BRAF: variants seen among roughly 807,000 people sequenced by gnomAD.
The protein encoded by BRAF is serine/threonine-protein kinase B-raf.
Under a neutral mutation model 104.6 loss-of-function variants are expected in BRAF, and 16 were observed. The ratio of observed to expected loss-of-function variants is 0.15; its 90% CI spans 0.10 to 0.23. BRAF has a LOEUF of 0.23. Ranked by LOEUF, BRAF falls within the 10% of genes least tolerant of loss-of-function variation. BRAF has a pLI of 1.00. For synonymous variants in BRAF, 310 were observed against 341.6 expected (o/e 0.91, Z 1.02); for missense variants, 541 against 937.3 (o/e 0.58, Z 5.52).
At chr7:140,896,572 T>C (rs888764054) in intron 1 of BRAF, among the ~76,000 whole-genome samples, 2 of 150,382 alleles carry the variant, frequency 1.3e-5, no homozygotes, top group East Asian at 2.0e-4. Context: ...CTACTAAAAA[T>C]AGAAACACAT....
intron 19 of BRAF, among the ~76,000 whole-genome samples, chr7:140,727,690 G>A (rs902127234): frequency 6.6e-6 from 1 of 151,608 alleles, no homozygotes; most frequent in African/African-American, 2.4e-5. Flanking sequence ...GTGCGATCTC[G>A]GCTCACTGCA....
intron 1 of BRAF, among the ~76,000 whole-genome samples, chr7:140,900,970 T>C (rs1480465643): frequency 6.6e-6 from 1 of 152,180 alleles, no homozygotes; most frequent in Non-Finnish European, 1.5e-5. Context: ...AACCCATGCC[T>C]GTGAGACCCT....
intron 1 of BRAF, among the ~76,000 whole-genome samples, chr7:140,907,262 C>T (rs1816425371): frequency 6.6e-6 from 1 of 151,924 alleles, no homozygotes; most frequent in Non-Finnish European, 1.5e-5. Flanking sequence ...TTGGGTTTTT[C>T]CCCCCCTTTT....
chr7:140,727,925 A>G (rs1795705187), intron 19 of BRAF, among the ~76,000 whole-genome samples: 2 of 152,130 alleles, frequency 1.3e-5, no homozygotes, highest in Admixed American at 1.3e-4. Flanking sequence ...CCGGCCAGCC[A>G]TATCACTATT....
At chr7:140,855,083 C>T (rs1809629862) in intron 1 of BRAF, among the ~76,000 whole-genome samples, 1 of 151,972 alleles carries the variant, frequency 6.6e-6, no homozygotes, top group Non-Finnish European at 1.5e-5. Flanking sequence ...CACAATGACC[C>T]TTGTTGGAAT....
At chr7:140,713,511 T>C in the BRAF span, among the ~76,000 whole-genome samples, 1 of 152,194 alleles carries the variant, frequency 6.6e-6, no homozygotes, top group Non-Finnish European at 1.5e-5. Context: ...TATCCATTCA[T>C]CTAATTTTTT....
intron 1 of BRAF, among the ~76,000 whole-genome samples, chr7:140,864,443 G>A (rs1281973108): frequency 1.3e-5 from 2 of 152,184 alleles, no homozygotes; most frequent in Non-Finnish European, 2.9e-5. Context: ...TGATCAAGAA[G>A]GCAGCTGGTT....
chr7:140,812,160 CTGTGTGTGTGTG>C (rs201757515), intron 3 of BRAF, among the ~76,000 whole-genome samples: 7 of 140,544 alleles, frequency 5.0e-5, no homozygotes, highest in East Asian at 2.1e-4. Flanking sequence ...GCATGCACAC[CTGTGTGTGTGTG>C]TGTGTGTGTG....
intron 14 of BRAF, among the ~76,000 whole-genome samples, chr7:140,771,965 C>T (rs1272477676): frequency 1.3e-5 from 2 of 151,962 alleles, no homozygotes; most frequent in Non-Finnish European, 2.9e-5. Context: ...GGAGATAATT[C>T]CAAAACAAAG....
chr7:140,800,138 C>A (rs2129043384), intron 7 of BRAF: 1 of 636,968 alleles, frequency 1.6e-6, no homozygotes. Context: ...AAATCATACC[C>A]AATATTGATT....
chr7:140,783,342 A>G, intron 10 of BRAF, 185 bp from the exon 10 acceptor site: 1 of 664,920 alleles, frequency 1.5e-6, no homozygotes, highest in Non-Finnish European at 2.5e-6. Context: ...AATTTCTTTT[A>G]GTTTTCTGGC....
At position 140,881,309 on chromosome 7, in the gene BRAF, T is replaced by C. The variant is rs114641418; in HGVS notation, c.139-31097A>G. On this transcript the variant is annotated intron_variant, in intron 1 of 19. Transcript: ENST00000644969. Reference sequence around the variant, plus strand: ...CCTCTAGTAAGAGTCAGCCTGTCCTTTGAAGCTTTAAAGCCTGTCATTGAC... The same window carrying C: ...CCTCTAGTAAGAGTCAGCCTGTCCTCTGAAGCTTTAAAGCCTGTCATTGAC... Among the ~76,000 whole-genome samples the C allele has an allele frequency of 3.7e-3, 560 of 152,338 alleles. 6 individuals are homozygous for C. The highest frequency in any genetic ancestry group is 0.013 in the African/African-American group (525 of 41,582).
chr7:140,834,468 A>G, intron 3 of BRAF, 141 bp downstream of exon 3: 1 of 1,164,322 alleles, frequency 8.6e-7, no homozygotes, highest in Non-Finnish European at 1.2e-6. Context: ...AAATAATTAC[A>G]TATTTTTCAT....
intron 1 of BRAF, among the ~76,000 whole-genome samples, chr7:140,881,721 G>A (rs917639311): frequency 2.0e-5 from 3 of 152,088 alleles, no homozygotes; most frequent in African/African-American, 7.2e-5. Flanking sequence ...TGTGACTCTT[G>A]GTTTCACTTG....
intron 3 of BRAF, among the ~76,000 whole-genome samples, chr7:140,814,390 C>G (rs748521140): frequency 1.3e-5 from 2 of 152,148 alleles, no homozygotes; most frequent in Non-Finnish European, 2.9e-5. Flanking sequence ...GTTGGCCAGA[C>G]ATGGTGGCTC....
At chr7:140,754,154 T>G (rs1248437619) in intron 15 of BRAF, 33 bp downstream of exon 14, 3 of 1,603,386 alleles carry the variant, frequency 1.9e-6, no homozygotes, top group Non-Finnish European at 2.6e-6. Context: ...CAGGATGTTT[T>G]CAAACTTCGC....
At chr7:140,860,980 T>G (rs546329551) in intron 1 of BRAF, among the ~76,000 whole-genome samples, 1 of 152,102 alleles carries the variant, frequency 6.6e-6, no homozygotes, top group Non-Finnish European at 1.5e-5. Flanking sequence ...ATACCACATA[T>G]TAAGTCAAAA....
chr7:140,866,504 A>G (rs1215109486), intron 1 of BRAF, among the ~76,000 whole-genome samples: 1 of 152,228 alleles, frequency 6.6e-6, no homozygotes, highest in African/African-American at 2.4e-5. Context: ...TAAGTATACT[A>G]CCTAGCATGA....
intron 2 of BRAF, among the ~76,000 whole-genome samples, chr7:140,839,186 C>T (rs1378436721): frequency 6.6e-6 from 1 of 152,000 alleles, no homozygotes; most frequent in Non-Finnish European, 1.5e-5. Context: ...AAAACTAACT[C>T]GAAATAGGCC....
Sources: gnomAD v4.1 joint callset for allele counts (sites outside exome capture counted in the v4.1 genomes callset) on GRCh38, gnomAD v4.1.1 for gene constraint, MANE v1.5 for transcripts, NCBI Gene and HGNC (gene_info 2026-07-23, HGNC 2026-07-21) for gene names.